The following MOB4 variants were observed in gnomAD, a reference collection of about 807,000 sequenced individuals.
The protein encoded by MOB4 is MOB family member 4, phocein, also known as MOB-like protein phocein.
In MOB4, 4 loss-of-function variants were observed where a neutral mutation model predicts 32.2. The ratio of observed to expected loss-of-function variants is 0.12; its 90% CI spans 0.06 to 0.28. The LOEUF (loss-of-function observed/expected upper bound fraction) is 0.28, where lower values mean the gene tolerates loss of function less well. Among genes scored for constraint, MOB4 ranks in the 10% least tolerant of loss-of-function variants. The pLI is 1.00. For missense variants in MOB4, 158 were observed against 271.2 expected (o/e 0.58, Z 2.93); for synonymous variants, 88 against 88.1 (o/e 1.00, Z 0.01).
intron 2 of MOB4, among the ~76,000 whole-genome samples, chr2:197,525,181 C>G (rs1240169056): frequency 6.6e-6 from 1 of 151,262 alleles, no homozygotes; most frequent in African/African-American, 2.4e-5. Flanking sequence ...CCATCTCTTA[C>G]TAAAAATATA....
At chr2:197,545,357 A>G (rs756240310) in intron 5 of MOB4, among the ~76,000 whole-genome samples, 2 of 152,212 alleles carry the variant, frequency 1.3e-5, no homozygotes, top group Non-Finnish European at 2.9e-5. Flanking sequence ...ACTGAATACA[A>G]TATAAATGCT....
chr2:197,542,479 C>T (rs1185179015), intron 5 of MOB4, among the ~76,000 whole-genome samples: 2 of 152,188 alleles, frequency 1.3e-5, no homozygotes, highest in East Asian at 3.8e-4. Flanking sequence ...AAATTGCTCT[C>T]ATGGATTAAA....
rs2087084010 is a variant in MOB4 at position 197,550,723 on chromosome 2, A to T, written c.*77A>T. 6 of 1,443,662 alleles carry T rather than the reference A, an allele frequency of 4.2e-6. No individual in the cohort carries two copies. Among genetic ancestry groups the T allele is most frequent in the Middle Eastern group, 2.6e-4 (1 of 3,820 alleles). The allele number at this position is 1,443,662 out of a possible 1,614,324, so 89.4% of individuals were successfully genotyped here. ...ATATATCATTTTAGACACATCAATC[A>T]TGTATCCATATTATAGCTTCTTTGT... On this transcript the variant is annotated 3_prime_UTR_variant, in exon 8 of 8. Coordinates refer to ENST00000323303, the MANE Select transcript of MOB4 (RefSeq NM_015387.5).
chr2:197,526,938 C>T (rs1240934415), intron 2 of MOB4, among the ~76,000 whole-genome samples: 1 of 152,066 alleles, frequency 6.6e-6, no homozygotes, highest in African/African-American at 2.4e-5. Context: ...AAGTGTGAAT[C>T]CTCCAACTTT....
intron 2 of MOB4, among the ~76,000 whole-genome samples, chr2:197,529,936 G>GC (rs2086670944): frequency 6.6e-6 from 1 of 152,054 alleles, no homozygotes; most frequent in African/African-American, 2.4e-5. Flanking sequence ...ACAGGCGTGA[G>GC]CCACCCCACC....
At chr2:197,522,640 C>T (rs956043630) in intron 1 of MOB4, among the ~76,000 whole-genome samples, 11 of 151,914 alleles carry the variant, frequency 7.2e-5, no homozygotes, top group Non-Finnish European at 1.5e-5. Flanking sequence ...CTGATGATTA[C>T]TTTTTAATGG....
rs549107868 is a variant in MOB4 at position 197,525,208 on chromosome 2, G to T, written c.123+1522G>T. On this transcript the variant is annotated intron_variant, in intron 2 of 7. Coordinates refer to ENST00000323303, the MANE Select transcript of MOB4 (RefSeq NM_015387.5). ...AAAAATATAAAAAAATTAGCCGGGCGTGGTGGTGGGTGCCTGTAGTCCCAG... is the reference window on the plus strand; with the variant it reads ...AAAAATATAAAAAAATTAGCCGGGCTTGGTGGTGGGTGCCTGTAGTCCCAG... Among the ~76,000 whole-genome samples the T allele has an allele frequency of 3.3e-5, 5 of 151,894 alleles. No homozygotes were observed. The South Asian group carries it at 8.3e-4, about 25-fold the overall frequency.
At chr2:197,535,037 C>T (rs2086773923) in intron 2 of MOB4, among the ~76,000 whole-genome samples, 1 of 151,868 alleles carries the variant, frequency 6.6e-6, no homozygotes. Context: ...TTTACATTGC[C>T]TATGGTGAAA....
At chr2:197,520,635 C>T (rs1235941703) in intron 1 of MOB4, among the ~76,000 whole-genome samples, 1 of 152,108 alleles carries the variant, frequency 6.6e-6, no homozygotes, top group Non-Finnish European at 1.5e-5. Flanking sequence ...GTGCTACCCA[C>T]TGAGGTTACA....
At position 197,551,991 on chromosome 2, in the gene MOB4, TAGA is replaced by T. The variant is rs2087106128; in HGVS notation, c.*1348_*1350del. ...AACAAACATGAGGAACTTTTTTATT[TAGA>T]AGGATAATTTTGAAGATGAAAATGT... On this transcript the variant is annotated 3_prime_UTR_variant, in exon 8 of 8. Coordinates refer to ENST00000323303, the MANE Select transcript of MOB4 (RefSeq NM_015387.5). 9.5e-6 allele frequency: 1 copy of T among 104,966 alleles called. No homozygotes were observed. Among genetic ancestry groups the T allele is most frequent in the Non-Finnish European group, 1.9e-5 (1 of 51,398 alleles). The allele number at this position is 104,966 out of a possible 1,614,324, so 6.5% of individuals were successfully genotyped here. A position where few individuals can be genotyped will look rare whatever the true frequency, so the allele number is the denominator to read the frequency against.
intron 2 of MOB4, among the ~76,000 whole-genome samples, chr2:197,526,466 G>A (rs531837609): frequency 1.4e-4 from 21 of 152,164 alleles, no homozygotes; most frequent in Non-Finnish European, 2.2e-4. Flanking sequence ...ACAGGCGCCC[G>A]CCCCTGCGCC....
At chr2:197,542,579 T>C (rs1330801375) in intron 5 of MOB4, among the ~76,000 whole-genome samples, 1 of 152,190 alleles carries the variant, frequency 6.6e-6, no homozygotes, top group Admixed American at 6.5e-5. Flanking sequence ...AGAGAGGCAT[T>C]CAGCATATAG....
At chr2:197,523,927 A>G (rs1361949794) in intron 2 of MOB4, among the ~76,000 whole-genome samples, 5 of 152,198 alleles carry the variant, frequency 3.3e-5, no homozygotes, top group Admixed American at 6.5e-5. Context: ...AATTAATGGA[A>G]TGCCTATTTA....
chr2:197,538,329 C>T (rs1415172580), intron 3 of MOB4, among the ~76,000 whole-genome samples: 1 of 149,408 alleles, frequency 6.7e-6, no homozygotes, highest in African/African-American at 2.5e-5. Flanking sequence ...TATTAACTAT[C>T]GTATATATTC....
intron 2 of MOB4, among the ~76,000 whole-genome samples, chr2:197,531,110 C>T (rs1406354093): frequency 2.0e-5 from 3 of 148,342 alleles, no homozygotes; most frequent in Non-Finnish European, 3.0e-5. Context: ...TGCAGTGGCG[C>T]GATCTCGGCT....
intron 1 of MOB4, chr2:197,516,667 G>T (rs1049857161): frequency 2.5e-5 from 12 of 471,676 alleles, no homozygotes; most frequent in South Asian, 1.2e-4. Context: ...TCTCCTCCTT[G>T]TTTCCCTTTG....
chr2:197,544,964 T>A (rs1419667140), intron 5 of MOB4, among the ~76,000 whole-genome samples: 1 of 152,184 alleles, frequency 6.6e-6, no homozygotes, highest in Non-Finnish European at 1.5e-5. Context: ...TGTAAAATGC[T>A]TCAGCTATTT....
chr2:197,534,979 C>G (rs997247856), intron 2 of MOB4, among the ~76,000 whole-genome samples: 11 of 152,292 alleles, frequency 7.2e-5, no homozygotes, highest in African/African-American at 2.4e-4. Context: ...GATTTTCTTA[C>G]TCTAGACACT....
rs568959439 is a variant in MOB4, at chr2:197,524,931, T to A, written c.123+1245T>A. Among the ~76,000 whole-genome samples, 4 of 152,314 alleles carry A rather than the reference T, an allele frequency of 2.6e-5. No homozygotes were observed. In the East Asian group the frequency reaches 5.8e-4, roughly 22 times the overall value. ...GACTATAGGCGCACACTGCCACATCTGGCTGATTTTTTGTAGAGATGGGGT... is the reference window on the plus strand; with the variant it reads ...GACTATAGGCGCACACTGCCACATCAGGCTGATTTTTTGTAGAGATGGGGT... On this transcript the variant is annotated intron_variant, in intron 2 of 7. Transcript: ENST00000323303.
Sources: allele counts gnomAD v4.1 joint callset (sites outside exome capture counted in the v4.1 genomes callset), GRCh38; gene constraint gnomAD v4.1.1; transcripts MANE v1.5; gene names NCBI Gene and HGNC (gene_info 2026-07-23, HGNC 2026-07-21).